Variants in KCND2 observed in about 807,000 individuals in gnomAD.
KCND2 encodes the protein potassium voltage-gated channel subfamily D member 2, also known as A-type voltage-gated potassium channel KCND2.
Under a neutral mutation model 54.4 loss-of-function variants are expected in KCND2, and 16 were observed. The observed-to-expected ratio is 0.29, with a 90% CI of 0.20 to 0.45. The LOEUF is 0.45. KCND2 is among the 20% of genes least tolerant of loss of function. The pLI is 1.00. For missense variants in KCND2, 486 were observed against 824.2 expected, an observed-to-expected ratio of 0.59 and a Z score of 5.02; for synonymous variants, 317 against 310.7, an observed-to-expected ratio of 1.02 and a Z score of -0.21.
At chr7:120,563,591 CAG>C (rs1431069393) in intron 1 of KCND2, among the ~76,000 whole-genome samples, 2 of 152,178 alleles carry the variant, frequency 1.3e-5, no homozygotes, top group African/African-American at 4.8e-5. Context: ...TGATCATCAA[CAG>C]ATGGAAGCTC....
At chr7:120,471,300 T>C (rs1007067552) in intron 1 of KCND2, among the ~76,000 whole-genome samples, 1 of 152,120 alleles carries the variant, frequency 6.6e-6, no homozygotes, top group African/African-American at 2.4e-5. Context: ...TCATATGTGA[T>C]ATTAATCCTC....
intron 1 of KCND2, among the ~76,000 whole-genome samples, chr7:120,601,859 C>G (rs1240256483): frequency 1.3e-5 from 2 of 152,182 alleles, no homozygotes; most frequent in Non-Finnish European, 2.9e-5. Context: ...ATAACCCTTT[C>G]TCACCTAGCT....
chr7:120,374,870 AT>A (rs957590400), intron 1 of KCND2, among the ~76,000 whole-genome samples: 6 of 151,630 alleles, frequency 4.0e-5, no homozygotes, highest in African/African-American at 7.3e-5. Context: ...TATATCTGAT[AT>A]TTTTTTCTGA....
intron 1 of KCND2, among the ~76,000 whole-genome samples, chr7:120,532,321 A>G (rs562369544): frequency 2.2e-4 from 33 of 152,080 alleles, no homozygotes; most frequent in African/African-American, 7.0e-4. Context: ...TAAAGAATAG[A>G]CAATGAACTT....
At chr7:120,668,300 T>C (rs1404808519) in intron 1 of KCND2, among the ~76,000 whole-genome samples, 1 of 152,036 alleles carries the variant, frequency 6.6e-6, no homozygotes, top group Admixed American at 6.6e-5. Flanking sequence ...TGTCAAGATG[T>C]AAAGCAGTAG....
chr7:120,594,699 G>A (rs1227599480), intron 1 of KCND2, among the ~76,000 whole-genome samples: 1 of 152,112 alleles, frequency 6.6e-6, no homozygotes, highest in Admixed American at 6.5e-5. Flanking sequence ...AACTTACTGA[G>A]ACAGCTAAAG....
rs144420573 is a variant in KCND2 at position 120,294,946 on chromosome 7, T to C, written c.1115+19199T>C. Among the ~76,000 whole-genome samples, 528 of 152,026 alleles carry C rather than the reference T, an allele frequency of 3.5e-3. 1 individual carries two copies. The highest frequency in any genetic ancestry group is 0.012 in the African/African-American group (484 of 41,554). ...TTACTCTTGCCTAGGTTAGAAACTC[T>C]TGAAGGTCAGGACGTGTATCTAACT... is the stretch of plus-strand genomic sequence containing the variant. On this transcript the variant is annotated intron_variant, in intron 1 of 5. Transcript: ENST00000331113.
chr7:120,525,042 G>A (rs1284659704), intron 1 of KCND2, among the ~76,000 whole-genome samples: 1 of 151,986 alleles, frequency 6.6e-6, no homozygotes, highest in Non-Finnish European at 1.5e-5. Context: ...TATTATTATG[G>A]TTTATCTTGA....
intron 1 of KCND2, among the ~76,000 whole-genome samples, chr7:120,397,993 GTGTATATATATATATA>G (rs1356725830): frequency 0.011 from 449 of 39,962 alleles, 4 homozygotes; most frequent in African/African-American, 0.017. Flanking sequence ...GTGTGTGTGT[GTGTATATATATATATA>G]TATATATATA....
intron 1 of KCND2, among the ~76,000 whole-genome samples, chr7:120,592,895 A>G (rs1383726316): frequency 2.0e-5 from 3 of 152,172 alleles, no homozygotes; most frequent in Non-Finnish European, 4.4e-5. Context: ...TTATGAAAAT[A>G]TTTAAGAATT....
intron 1 of KCND2, among the ~76,000 whole-genome samples, chr7:120,537,821 C>T (rs1791930848): frequency 6.6e-6 from 1 of 152,128 alleles, no homozygotes; most frequent in South Asian, 2.1e-4. Flanking sequence ...GAGTTAGGGC[C>T]TTGCTCTGGA....
chr7:120,366,073 T>G (rs1481913972), intron 1 of KCND2, among the ~76,000 whole-genome samples: 1 of 152,116 alleles, frequency 6.6e-6, no homozygotes, highest in East Asian at 1.9e-4. Flanking sequence ...TAAACAGCAT[T>G]GTGGTGAATC....
At chr7:120,632,881 T>C (rs145443908) in intron 1 of KCND2, among the ~76,000 whole-genome samples, 138 of 152,276 alleles carry the variant, frequency 9.1e-4, no homozygotes, top group East Asian at 1.5e-3. Flanking sequence ...TCATTGGTGG[T>C]CTAGAGTCTG....
At chr7:120,442,040 TG>T (rs1443237748) in intron 1 of KCND2, among the ~76,000 whole-genome samples, 2 of 152,134 alleles carry the variant, frequency 1.3e-5, no homozygotes, top group Non-Finnish European at 2.9e-5. Context: ...GGCATATACT[TG>T]TTTCCTACTG....
At chr7:120,633,932 G>T (rs1408271458) in intron 1 of KCND2, among the ~76,000 whole-genome samples, 1 of 152,102 alleles carries the variant, frequency 6.6e-6, no homozygotes, top group Non-Finnish European at 1.5e-5. Flanking sequence ...ATTTTAAATT[G>T]CAGCATTTGG....
intron 4 of KCND2, among the ~76,000 whole-genome samples, chr7:120,743,433 G>T (rs766188002): frequency 6.6e-5 from 10 of 152,090 alleles, no homozygotes; most frequent in African/African-American, 1.4e-4. Context: ...CCCAAGAAAC[G>T]CCATGAAATG....
At chr7:120,300,734 A>T (rs942401805) in intron 1 of KCND2, among the ~76,000 whole-genome samples, 52 of 152,162 alleles carry the variant, frequency 3.4e-4, no homozygotes, top group African/African-American at 1.2e-3. Context: ...TCTCTTCCAT[A>T]TTCTCCATCT....
intron 1 of KCND2, among the ~76,000 whole-genome samples, chr7:120,604,812 A>G (rs975120585): frequency 2.6e-5 from 4 of 152,134 alleles, no homozygotes; most frequent in Non-Finnish European, 5.9e-5. Context: ...TAAGAACTAT[A>G]AAAAGAAAAA....
chr7:120,698,721 G>A (rs1792362629), intron 1 of KCND2, among the ~76,000 whole-genome samples: 1 of 152,104 alleles, frequency 6.6e-6, no homozygotes, highest in African/African-American at 2.4e-5. Flanking sequence ...GACCCAAAAG[G>A]TAGACCAGCT....
Sources: allele counts gnomAD v4.1 joint callset (sites outside exome capture counted in the v4.1 genomes callset), GRCh38; gene constraint gnomAD v4.1.1; transcripts MANE v1.5; gene names NCBI Gene and HGNC (gene_info 2026-07-23, HGNC 2026-07-21).